PCDH9: variants seen among roughly 807,000 people sequenced by gnomAD.
PCDH9 encodes protocadherin-9.
PCDH9 carries 24 observed loss-of-function variants against 70.6 expected under a neutral mutation model. The ratio of observed to expected loss-of-function variants is 0.34; its 90% confidence interval spans 0.25 to 0.48. PCDH9 has a LOEUF of 0.48. Among genes scored for constraint, PCDH9 ranks in the 20% least tolerant of loss-of-function variants. PCDH9 has a pLI of 0.99. For synonymous variants in PCDH9, 562 were observed against 558.5 expected (o/e 1.01, Z -0.09); for missense variants, 1,281 against 1,503.6 (o/e 0.85, Z 2.45).
intron 2 of PCDH9, among the ~76,000 whole-genome samples, chr13:67,160,126 T>C (rs1463804437): frequency 6.6e-6 from 1 of 152,212 alleles, no homozygotes; most frequent in African/African-American, 2.4e-5. Flanking sequence ...TTCAGCCTTG[T>C]AGATTTCAAA....
intron 2 of PCDH9, chr13:67,215,244 C>T (rs1414355258): frequency 6.6e-6 from 1 of 151,726 alleles, no homozygotes; most frequent in African/African-American, 2.4e-5. Context: ...TTCTATTAGA[C>T]ACCAAGTTTA....
chr13:66,785,599 T>C (rs2080067195), intron 3 of PCDH9, among the ~76,000 whole-genome samples: 1 of 152,154 alleles, frequency 6.6e-6, no homozygotes, highest in African/African-American at 2.4e-5. Flanking sequence ...TCAGAGAATT[T>C]CATTCTATGA....
chr13:67,118,768 A>G (rs1362518542), intron 2 of PCDH9, among the ~76,000 whole-genome samples: 2 of 152,188 alleles, frequency 1.3e-5, no homozygotes, highest in Non-Finnish European at 2.9e-5. Flanking sequence ...CTAAATATCT[A>G]TATCTATGAC....
In PCDH9 at chr13:66,943,572, TTACTC is replaced by T. The variant is rs2083040294; in HGVS notation, c.3037-39972_3037-39968del. ...TGATCTCCATTAGACTGAAACAAAA[TTACTC>T]TACATTTTGAAAACCCCTTTTTCAA... On this transcript the variant is annotated intron_variant, in intron 2 of 4. Transcript: ENST00000377865. Among the ~76,000 whole-genome samples the T allele has an allele frequency of 2.6e-5, 4 of 152,216 alleles. No individual in the cohort carries two copies. In the South Asian group the frequency reaches 8.3e-4, roughly 32 times the overall value.
chr13:66,797,132 A>G (rs1393756311), intron 3 of PCDH9, among the ~76,000 whole-genome samples: 1 of 152,166 alleles, frequency 6.6e-6, no homozygotes. Flanking sequence ...TTAAGACTCT[A>G]TCTCTCAGGT....
At chr13:66,791,636 T>C (rs114378997) in intron 3 of PCDH9, among the ~76,000 whole-genome samples, 2,872 of 152,250 alleles carry the variant, frequency 0.019, 86 homozygotes, top group African/African-American at 0.065. Context: ...TACATGTAAA[T>C]AATGTAGTAA....
chr13:66,796,708 G>A (rs1387720675), intron 3 of PCDH9, among the ~76,000 whole-genome samples: 1 of 151,920 alleles, frequency 6.6e-6, no homozygotes, highest in Non-Finnish European at 1.5e-5. Context: ...CTGTGAAAAT[G>A]GTGAATAAAA....
At chr13:66,370,407 T>C (rs778739996) in intron 4 of PCDH9, among the ~76,000 whole-genome samples, 5 of 152,034 alleles carry the variant, frequency 3.3e-5, no homozygotes, top group Non-Finnish European at 5.9e-5. Context: ...TTCGGTAAAG[T>C]GTGTTCAACT....
chr13:66,669,286 G>A (rs184288925), intron 3 of PCDH9, among the ~76,000 whole-genome samples: 22 of 152,246 alleles, frequency 1.4e-4, no homozygotes, highest in Middle Eastern at 6.8e-3. Context: ...ATGTCTCATA[G>A]TAACTTTTCA....
At chr13:66,797,958 G>C (rs896816505) in intron 3 of PCDH9, among the ~76,000 whole-genome samples, 1 of 124,322 alleles carries the variant, frequency 8.0e-6, no homozygotes, top group Non-Finnish European at 1.5e-5. Flanking sequence ...TGTTTCTTGG[G>C]GGGTGTGTGT....
chr13:67,060,959 G>C (rs1202177923), intron 2 of PCDH9, among the ~76,000 whole-genome samples: 1 of 151,952 alleles, frequency 6.6e-6, no homozygotes, highest in Non-Finnish European at 1.5e-5. Context: ...ATAAATTCTG[G>C]TTTGTCCTAT....
At chr13:66,814,820 A>C (rs558496017) in intron 3 of PCDH9, among the ~76,000 whole-genome samples, 14 of 152,340 alleles carry the variant, frequency 9.2e-5, no homozygotes, top group African/African-American at 3.1e-4. Flanking sequence ...AAGATAATCT[A>C]GGAAATACCA....
At chr13:67,149,730 A>G (rs2087611365) in intron 2 of PCDH9, among the ~76,000 whole-genome samples, 1 of 152,168 alleles carries the variant, frequency 6.6e-6, no homozygotes, top group Non-Finnish European at 1.5e-5. Context: ...CCCTAAGATT[A>G]TTAACTTTAA....
At chr13:66,978,642 A>T (rs2083671420) in intron 2 of PCDH9, among the ~76,000 whole-genome samples, 1 of 150,448 alleles carries the variant, frequency 6.6e-6, no homozygotes, top group South Asian at 2.1e-4. Flanking sequence ...TTATATATGG[A>T]TTGCTTCTTT....
intron 3 of PCDH9, among the ~76,000 whole-genome samples, chr13:66,676,796 T>G (rs552018741): frequency 6.6e-6 from 1 of 152,146 alleles, no homozygotes; most frequent in South Asian, 2.1e-4. Flanking sequence ...ATGCATGTTT[T>G]AGAGTGCAGA....
rs1566428380 is a variant in PCDH9, at chr13:66,573,769, T to TTTG, written c.3340+57440_3340+57441insCAA. Among the ~76,000 whole-genome samples the TTTG allele has an allele frequency of 1.9e-4, 27 of 143,402 alleles. 1 individual carries two copies. The highest frequency in any genetic ancestry group is 1.8e-3 in the South Asian group (8 of 4,350). 94.1% of individuals were successfully genotyped at this position (143,402 alleles called of 152,430 possible). On this transcript the variant is annotated intron_variant, in intron 4 of 4. Coordinates refer to ENST00000377865, the MANE Select transcript of PCDH9 (RefSeq NM_203487.3). Reference sequence around the variant, plus strand: ...TGTTTGTTTGTTTGTTTGTTTGTTTTTTTGGTGCCAAATCAACTGAAATGC... The same window carrying TTTG: ...TGTTTGTTTGTTTGTTTGTTTGTTTTTTGTTTGGTGCCAAATCAACTGAAATGC...
chr13:66,787,105 GAT>G (rs2080091944), intron 3 of PCDH9, among the ~76,000 whole-genome samples: 1 of 152,102 alleles, frequency 6.6e-6, no homozygotes, highest in Non-Finnish European at 1.5e-5. Context: ...ATAAATTATG[GAT>G]TCCTAGTCTG....
intron 2 of PCDH9, among the ~76,000 whole-genome samples, chr13:67,096,797 C>T (rs1449455231): frequency 2.0e-5 from 3 of 151,910 alleles, no homozygotes; most frequent in Admixed American, 6.6e-5. Context: ...TGTGTGAGGG[C>T]GAGATACATG....
intron 2 of PCDH9, among the ~76,000 whole-genome samples, chr13:67,145,121 A>G (rs2087489488): frequency 6.6e-6 from 1 of 152,082 alleles, no homozygotes; most frequent in South Asian, 2.1e-4. Flanking sequence ...AACTGGTTTT[A>G]AAGGGAAAAA....
Sources: allele counts gnomAD v4.1 joint callset (sites outside exome capture counted in the v4.1 genomes callset), GRCh38; gene constraint gnomAD v4.1.1; transcripts MANE v1.5; gene names NCBI Gene and HGNC (gene_info 2026-07-23, HGNC 2026-07-21).